Variants in UBE2N observed in about 807,000 individuals in gnomAD.
The protein encoded by UBE2N is ubiquitin conjugating enzyme E2 N.
For synonymous variants in UBE2N, 70 were observed against 69.2 expected, an observed-to-expected ratio of 1.01 and a Z score of -0.06; for missense variants, 60 against 192.1, an observed-to-expected ratio of 0.31 and a Z score of 4.07.
intron 1 of UBE2N, among the ~76,000 whole-genome samples, chr12:93,420,758 C>G (rs142079506): frequency 6.6e-6 from 1 of 152,212 alleles, no homozygotes; most frequent in Non-Finnish European, 1.5e-5. Flanking sequence ...GGACAAAAAT[C>G]AGAATAATCC....
At chr12:93,418,881 C>G (rs916430192) in intron 1 of UBE2N, among the ~76,000 whole-genome samples, 2 of 152,140 alleles carry the variant, frequency 1.3e-5, no homozygotes, top group Non-Finnish European at 2.9e-5. Context: ...GCAAATTACA[C>G]TTGTAGCACA....
chr12:93,439,421 G>A (rs1222290690), intron 1 of UBE2N, among the ~76,000 whole-genome samples: 2 of 152,208 alleles, frequency 1.3e-5, no homozygotes, highest in African/African-American at 2.4e-5. Context: ...CAAGGCTGTG[G>A]TAAGCCATGA....
chr12:93,424,460 C>G (rs921998233), intron 1 of UBE2N: 3 of 152,178 alleles, frequency 2.0e-5, no homozygotes, highest in Non-Finnish European at 2.9e-5. Context: ...CCAATTGTAC[C>G]AGTAACACAA....
rs1209168147 is a variant in UBE2N, at chr12:93,408,316, C to G, written c.*1723G>C. On this transcript the variant is annotated 3_prime_UTR_variant, in exon 4 of 4. Transcript: ENST00000318066. Reference sequence around the variant, plus strand: ...TCTGAATTAAGCTAACATTTGTTACCAAGCAATGCATTTATTTGGAAGGAT... The same window carrying G: ...TCTGAATTAAGCTAACATTTGTTACGAAGCAATGCATTTATTTGGAAGGAT... 6.6e-6 allele frequency: 1 copy of G among 152,162 alleles called. No homozygotes were observed. Among genetic ancestry groups the G allele is most frequent in the African/African-American group, 2.4e-5 (1 of 41,442 alleles). 9.4% of individuals were successfully genotyped at this position (152,162 alleles called of 1,614,324 possible).
intron 1 of UBE2N, among the ~76,000 whole-genome samples, chr12:93,426,672 T>C (rs1215503820): frequency 6.6e-6 from 1 of 152,178 alleles, no homozygotes; most frequent in African/African-American, 2.4e-5. Flanking sequence ...GGCAGTTTTC[T>C]AAAAAATCTC....
rs1314382624 is a variant in UBE2N, at chr12:93,408,217, C to T, written c.*1822G>A. 1.3e-5 allele frequency: 2 copies of T among 152,098 alleles called. No homozygotes were observed. The highest frequency in any genetic ancestry group is 2.4e-5 in the African/African-American group (1 of 41,410). The allele number at this position is 152,098 out of a possible 1,614,324, so 9.4% of individuals were successfully genotyped here. On this transcript the variant is annotated 3_prime_UTR_variant, in exon 4 of 4. Coordinates refer to ENST00000318066, the MANE Select transcript of UBE2N (RefSeq NM_003348.4). ...ATAGTCAAATGTACCCTTTAAACAG[C>T]CCAAGAATTGTTATAAATGACAGCT...
At chr12:93,435,239 G>A (rs993307718) in intron 1 of UBE2N, among the ~76,000 whole-genome samples, 1 of 152,136 alleles carries the variant, frequency 6.6e-6, no homozygotes, top group Non-Finnish European at 1.5e-5. Context: ...TTGGGAGGCC[G>A]AGGTGGGCAG....
At chr12:93,434,073 A>G (rs1020176217) in intron 1 of UBE2N, among the ~76,000 whole-genome samples, 12 of 152,194 alleles carry the variant, frequency 7.9e-5, no homozygotes, top group African/African-American at 2.7e-4. Context: ...TGGGTGGATC[A>G]CGAGGTCAGG....
At chr12:93,435,663 T>C (rs1410410744) in intron 1 of UBE2N, among the ~76,000 whole-genome samples, 1 of 152,058 alleles carries the variant, frequency 6.6e-6, no homozygotes, top group African/African-American at 2.4e-5. Context: ...ATCACTTTTC[T>C]TACAAAAAAA....
In UBE2N at chr12:93,409,671, AAAAAT is replaced by A. The variant is rs527860095; in HGVS notation, c.*363_*367del. 39 of 177,958 alleles carry A rather than the reference AAAAAT, an allele frequency of 2.2e-4. No individual in the cohort carries two copies. Among genetic ancestry groups the A allele is most frequent in the African/African-American group, 5.3e-4 (22 of 41,828 alleles). The allele number at this position is 177,958 out of a possible 1,614,324, so 11.0% of individuals were successfully genotyped here. ...ATAAAATTAAACTACCTCCCCCCTC[AAAAAT>A]AAAATAAAATAAAATAAAATAAAAA... On this transcript the variant is annotated 3_prime_UTR_variant, in exon 4 of 4. Coordinates refer to ENST00000318066, the MANE Select transcript of UBE2N (RefSeq NM_003348.4).
chr12:93,423,958 T>C (rs1878495910), intron 1 of UBE2N, among the ~76,000 whole-genome samples: 1 of 152,212 alleles, frequency 6.6e-6, no homozygotes, highest in Admixed American at 6.5e-5. Context: ...TTTCCCAAGT[T>C]TTTTTCACTT....
intron 1 of UBE2N, among the ~76,000 whole-genome samples, chr12:93,423,455 G>A (rs1175027756): frequency 1.1e-4 from 17 of 152,170 alleles, no homozygotes; most frequent in Non-Finnish European, 2.9e-5. Flanking sequence ...CAAAAGAGGA[G>A]AGCATACAAG....
At chr12:93,423,819 T>C (rs1290509231) in intron 1 of UBE2N, among the ~76,000 whole-genome samples, 1 of 152,212 alleles carries the variant, frequency 6.6e-6, no homozygotes, top group Non-Finnish European at 1.5e-5. Flanking sequence ...TAACATTCTT[T>C]AGGCCTATAA....
rs73366076 is a variant in UBE2N at position 93,437,948 on chromosome 12, G to A, written c.30+3907C>T. Among the ~76,000 whole-genome samples, 1,382 of 152,230 alleles carry A rather than the reference G, an allele frequency of 9.1e-3. 28 individuals carry two copies. The highest frequency in any genetic ancestry group is 0.032 in the African/African-American group (1,317 of 41,514). ...AAAAAAAGATACATAAGCAGAGTAG[G>A]CACACAAAAAAGAAATAATGTAAAA... On this transcript the variant is annotated intron_variant, in intron 1 of 3. Coordinates refer to ENST00000318066, the MANE Select transcript of UBE2N (RefSeq NM_003348.4).
At chr12:93,415,424 TTTGA>T (rs1320501939) in intron 1 of UBE2N, among the ~76,000 whole-genome samples, 1 of 152,222 alleles carries the variant, frequency 6.6e-6, no homozygotes, top group East Asian at 1.9e-4. Flanking sequence ...AGTTTTTTGT[TTTGA>T]TCATGGCGAT....
intron 1 of UBE2N, among the ~76,000 whole-genome samples, chr12:93,433,110 T>A (rs1878820386): frequency 1.3e-5 from 2 of 151,956 alleles, no homozygotes; most frequent in Non-Finnish European, 2.9e-5. Context: ...TTTTTTTGTA[T>A]TTTTAGTAGA....
intron 1 of UBE2N, among the ~76,000 whole-genome samples, chr12:93,427,291 A>C (rs1239045241): frequency 1.3e-5 from 2 of 152,234 alleles, no homozygotes; most frequent in Non-Finnish European, 2.9e-5. Context: ...AAAGCAATGC[A>C]GGCTTCACAT....
At chr12:93,433,077 C>T (rs1033716615) in intron 1 of UBE2N, among the ~76,000 whole-genome samples, 2 of 151,852 alleles carry the variant, frequency 1.3e-5, no homozygotes, top group Admixed American at 6.6e-5. Flanking sequence ...GGACTACAGG[C>T]ACCCACCACC....
chr12:93,436,260 T>C (rs1448242338), intron 1 of UBE2N, among the ~76,000 whole-genome samples: 1 of 152,182 alleles, frequency 6.6e-6, no homozygotes, highest in African/African-American at 2.4e-5. Context: ...CCACAACACC[T>C]GGCTAATTTT....
Sources: gnomAD v4.1 joint callset for allele counts (sites outside exome capture counted in the v4.1 genomes callset) on GRCh38, gnomAD v4.1.1 for gene constraint, MANE v1.5 for transcripts, NCBI Gene and HGNC (gene_info 2026-07-23, HGNC 2026-07-21) for gene names.